ATP8A2: variants seen among roughly 807,000 people sequenced by gnomAD.
The protein encoded by ATP8A2 is ATPase phospholipid transporting 8A2.
ATP8A2 carries 100 observed loss-of-function variants against 165.6 expected under a neutral mutation model. The ratio of observed to expected loss-of-function variants is 0.60; its 90% confidence interval spans 0.51 to 0.71. ATP8A2 has a LOEUF of 0.71. ATP8A2 is among the 30% of genes least tolerant of loss of function. The pLI is 0.00. For missense variants in ATP8A2, 1,227 were observed against 1,479.5 expected (o/e 0.83, Z 2.80); for synonymous variants, 543 against 548.8 (o/e 0.99, Z 0.15).
At chr13:25,485,030 C>A (rs74042965) in intron 2 of ATP8A2, among the ~76,000 whole-genome samples, 2 of 152,092 alleles carry the variant, frequency 1.3e-5, no homozygotes, top group African/African-American at 4.8e-5. Flanking sequence ...TTAAAACTGC[C>A]TCATAGTCAT....
intron 33 of ATP8A2, among the ~76,000 whole-genome samples, chr13:25,930,736 AT>A (rs964576099): frequency 5.9e-5 from 9 of 152,068 alleles, no homozygotes; most frequent in African/African-American, 2.2e-4. Flanking sequence ...GCTCAAAAGT[AT>A]TTTTTGGTTG....
chr13:25,713,791 G>GAGCTAGCAGCTCCCCAGGGT (rs71186900), intron 25 of ATP8A2, among the ~76,000 whole-genome samples: 2 of 151,866 alleles, frequency 1.3e-5, no homozygotes, highest in Non-Finnish European at 2.9e-5. Flanking sequence ...GGGTCCTGGG[G>GAGCTAGCAGCTCCCCAGGGT]AGCTAGCAGC....
intron 33 of ATP8A2, among the ~76,000 whole-genome samples, chr13:25,954,653 C>T (rs1431979481): frequency 6.6e-6 from 1 of 152,202 alleles, no homozygotes; most frequent in Non-Finnish European, 1.5e-5. Context: ...GATGAAGCTT[C>T]TGGAGGAAGG....
At chr13:25,774,729 C>A (rs2044702349) in intron 26 of ATP8A2, 120 bp from the exon 27 acceptor site, 1 of 581,408 alleles carries the variant, frequency 1.7e-6, no homozygotes, top group Admixed American at 3.4e-5. Context: ...TTCTGAGATT[C>A]CTGCGGAATC....
intron 26 of ATP8A2, among the ~76,000 whole-genome samples, chr13:25,773,166 C>T (rs1224167467): frequency 6.6e-6 from 1 of 152,130 alleles, no homozygotes; most frequent in Non-Finnish European, 1.5e-5. Context: ...GCTTGTCTCT[C>T]CTAGTAGTGT....
rs145209648 is a variant in ATP8A2 at position 25,477,799 on chromosome 13, C to T, written c.221+8678C>T. Among the ~76,000 whole-genome samples the T allele has an allele frequency of 1.7e-3, 259 of 152,114 alleles. 2 individuals carry two copies. The highest frequency in any genetic ancestry group is 5.8e-3 in the African/African-American group (239 of 41,520). ...TAAAAACACAAAAATTAGCCAGGCACGGTGGCGGGTGCCTATAATCCCATC... is the reference window on the plus strand; with the variant it reads ...TAAAAACACAAAAATTAGCCAGGCATGGTGGCGGGTGCCTATAATCCCATC... On this transcript the variant is annotated intron_variant, in intron 2 of 36. Transcript: ENST00000381655.
At chr13:25,688,171 C>G (rs2042644532) in intron 24 of ATP8A2, among the ~76,000 whole-genome samples, 1 of 152,130 alleles carries the variant, frequency 6.6e-6, no homozygotes, top group African/African-American at 2.4e-5. Context: ...TCTTGGGCCT[C>G]TAGGATCCTG....
At chr13:25,505,738 C>A (rs544708677) in intron 2 of ATP8A2, among the ~76,000 whole-genome samples, 21 of 152,306 alleles carry the variant, frequency 1.4e-4, no homozygotes, top group Non-Finnish European at 1.3e-4. Flanking sequence ...ATGTTGATGG[C>A]TCTACATAAC....
intron 1 of ATP8A2, among the ~76,000 whole-genome samples, chr13:25,450,583 G>C (rs918187229): frequency 6.6e-6 from 1 of 152,196 alleles, no homozygotes; most frequent in Non-Finnish European, 1.5e-5. Context: ...CCAGGCTGGA[G>C]TGCAGTGGTG....
At chr13:25,455,277 A>C (rs565672266) in intron 1 of ATP8A2, among the ~76,000 whole-genome samples, 1 of 152,288 alleles carries the variant, frequency 6.6e-6, no homozygotes, top group African/African-American at 2.4e-5. Context: ...GTGCGTTGGC[A>C]GTGTATGTAG....
At chr13:25,562,300 G>C (rs944623148) in intron 15 of ATP8A2, among the ~76,000 whole-genome samples, 34 of 152,140 alleles carry the variant, frequency 2.2e-4, no homozygotes, top group Admixed American at 7.2e-4. Context: ...TTCAGGTTTT[G>C]TTTGTTTTAT....
intron 33 of ATP8A2, among the ~76,000 whole-genome samples, chr13:25,885,895 T>A (rs1433987351): frequency 6.6e-6 from 1 of 152,140 alleles, no homozygotes; most frequent in Non-Finnish European, 1.5e-5. Context: ...ATAACCAGGA[T>A]CCCTAGTGAA....
chr13:25,909,899 A>G (rs1238746550), intron 33 of ATP8A2, among the ~76,000 whole-genome samples: 1 of 151,822 alleles, frequency 6.6e-6, no homozygotes, highest in African/African-American at 2.4e-5. Flanking sequence ...ATCATACAAT[A>G]TTTTCCTTTG....
intron 2 of ATP8A2, among the ~76,000 whole-genome samples, chr13:25,496,270 G>A (rs2036676730): frequency 6.6e-6 from 1 of 152,144 alleles, no homozygotes; most frequent in East Asian, 1.9e-4. Context: ...TTGGCACATG[G>A]AAGCAGCTCT....
At chr13:25,562,997 T>A (rs1383978652) in intron 15 of ATP8A2, among the ~76,000 whole-genome samples, 1 of 152,184 alleles carries the variant, frequency 6.6e-6, no homozygotes, top group African/African-American at 2.4e-5. Context: ...GCATTTTAGG[T>A]GCTCCCCCTT....
chr13:25,883,721 G>A (rs1224707849), intron 33 of ATP8A2, among the ~76,000 whole-genome samples: 1 of 152,186 alleles, frequency 6.6e-6, no homozygotes, highest in East Asian at 1.9e-4. Context: ...CACAGCCAGA[G>A]AAAGACCTCC....
chr13:25,907,422 G>C (rs1953975103), intron 33 of ATP8A2, among the ~76,000 whole-genome samples: 1 of 152,152 alleles, frequency 6.6e-6, no homozygotes, highest in African/African-American at 2.4e-5. Flanking sequence ...ATGCTCAGTT[G>C]GATAATCGTT....
At chr13:25,988,106 C>T (rs959698574) in intron 35 of ATP8A2, among the ~76,000 whole-genome samples, 2 of 152,232 alleles carry the variant, frequency 1.3e-5, no homozygotes, top group Non-Finnish European at 2.9e-5. Context: ...AGCTACAAAG[C>T]GGCTCAGCCA....
At chr13:25,542,077 A>T in intron 9 of ATP8A2, 31 bp downstream of exon 9, 1 of 1,600,866 alleles carries the variant, frequency 6.2e-7, no homozygotes, top group Non-Finnish European at 8.5e-7. Context: ...ATTGTCTTTT[A>T]AACTATGTGA....
Sources: allele counts gnomAD v4.1 joint callset (sites outside exome capture counted in the v4.1 genomes callset), GRCh38; gene constraint gnomAD v4.1.1; transcripts MANE v1.5; gene names NCBI Gene and HGNC (gene_info 2026-07-23, HGNC 2026-07-21).